The following VPS53 variants were observed in gnomAD, a reference collection of about 807,000 sequenced individuals.
VPS53 encodes the protein vacuolar protein sorting-associated protein 53 homolog.
VPS53 carries 70 observed loss-of-function variants against 107.0 expected under a neutral mutation model. The ratio of observed to expected loss-of-function variants is 0.65; its 90% CI spans 0.54 to 0.80. The LOEUF (loss-of-function observed/expected upper bound fraction) is 0.80, where lower values mean the gene tolerates loss of function less well. VPS53 is among the 30% of genes least tolerant of loss of function. The probability of loss-of-function intolerance (pLI) is 0.00; values close to 1 mark genes in which losing one functional copy is unlikely to be tolerated. For missense variants in VPS53, 917 were observed against 1,049.4 expected (o/e 0.87, Z 1.74); for synonymous variants, 409 against 393.3 (o/e 1.04, Z -0.47).
intron 10 of VPS53, among the ~76,000 whole-genome samples, chr17:626,066 C>T (rs993291804): frequency 1.3e-5 from 2 of 152,052 alleles, no homozygotes; most frequent in Non-Finnish European, 2.9e-5. Flanking sequence ...AAAAATTAGC[C>T]GGTGTGGTGG....
chr17:618,919 T>C (rs963791566), intron 11 of VPS53, among the ~76,000 whole-genome samples: 10 of 146,300 alleles, frequency 6.8e-5, no homozygotes, highest in African/African-American at 2.3e-4. Context: ...TCTGGGTAGC[T>C]GGGACTACAG....
At chr17:571,263 G>C (rs1299409699) in intron 13 of VPS53, among the ~76,000 whole-genome samples, 2 of 138,828 alleles carry the variant, frequency 1.4e-5, no homozygotes, top group Non-Finnish European at 3.1e-5. Context: ...GTGGGGAGGG[G>C]AGGGAGAAGA....
intron 11 of VPS53, among the ~76,000 whole-genome samples, chr17:609,912 G>A (rs1021684451): frequency 6.6e-6 from 1 of 151,978 alleles, no homozygotes; most frequent in Non-Finnish European, 1.5e-5. Context: ...GGCGGATCAC[G>A]AGGTCAGGAG....
At chr17:679,901 A>G (rs908290298) in intron 4 of VPS53, among the ~76,000 whole-genome samples, 8 of 152,288 alleles carry the variant, frequency 5.3e-5, no homozygotes, top group South Asian at 4.1e-4. Context: ...TAATCCCAGC[A>G]CTTTGGGAGG....
chr17:566,161 G>A (rs1175460312), intron 13 of VPS53, among the ~76,000 whole-genome samples: 1 of 138,364 alleles, frequency 7.2e-6, no homozygotes, highest in Non-Finnish European at 1.5e-5. Context: ...CCGAGATCCC[G>A]CCACTGCACT....
chr17:604,410 C>T (rs911428593), intron 11 of VPS53, among the ~76,000 whole-genome samples: 13 of 152,214 alleles, frequency 8.5e-5, no homozygotes, highest in African/African-American at 2.6e-4. Context: ...AACCTACTCT[C>T]GCCGGTGTAA....
chr17:711,329 T>TA (rs1386183840), intron 1 of VPS53, among the ~76,000 whole-genome samples: 1 of 152,206 alleles, frequency 6.6e-6, no homozygotes, highest in Admixed American at 6.5e-5. Context: ...CCCAGCTTGA[T>TA]AGAGTTACAA....
intron 11 of VPS53, among the ~76,000 whole-genome samples, 188 bp downstream of exon 11, chr17:623,345 C>A (rs749052939): frequency 1.3e-5 from 2 of 152,116 alleles, no homozygotes; most frequent in African/African-American, 2.4e-5. Flanking sequence ...TGATGTACTG[C>A]GTAAGAGACA....
At chr17:612,055 A>G (rs1968905370) in intron 11 of VPS53, among the ~76,000 whole-genome samples, 1 of 152,154 alleles carries the variant, frequency 6.6e-6, no homozygotes, top group African/African-American at 2.4e-5. Context: ...GAGTTCACAC[A>G]GTGAAAACCT....
intron 11 of VPS53, among the ~76,000 whole-genome samples, chr17:620,079 T>TTGAAC (rs1489880930): frequency 2.6e-5 from 4 of 152,240 alleles, no homozygotes; most frequent in South Asian, 2.1e-4. Flanking sequence ...GAAATCAATA[T>TTGAAC]TGAACATTAG....
chr17:590,720 G>A (rs1967600180), intron 12 of VPS53, among the ~76,000 whole-genome samples: 1 of 147,806 alleles, frequency 6.8e-6, no homozygotes, highest in African/African-American at 2.5e-5. Context: ...GCATCCCAGG[G>A]ATGAAGCCCA....
intron 15 of VPS53, among the ~76,000 whole-genome samples, chr17:556,293 C>G (rs1268750772): frequency 6.6e-6 from 1 of 152,064 alleles, no homozygotes; most frequent in Non-Finnish European, 1.5e-5. Context: ...CAAAAAGAAT[C>G]TGAGCAACAA....
Position 621,678 on chromosome 17 carries a change from C to G in VPS53, c.1116+1855G>C, listed in dbSNP as rs535227254. On this transcript the variant is annotated intron_variant, in intron 11 of 21. Coordinates refer to ENST00000437048, the MANE Select transcript of VPS53 (RefSeq NM_001128159.3). ...TTTCTTCAGTCAATCGTCTGTCTGA[C>G]TCTGTACTCATTTTTCTAACGGGTT... Among the ~76,000 whole-genome samples, 278 of 152,090 alleles carry G rather than the reference C, an allele frequency of 1.8e-3. 3 individuals are homozygous for G. In the Middle Eastern group the frequency reaches 0.027, roughly 15 times the overall value.
chr17:693,572 T>A (rs1474454969), intron 4 of VPS53, among the ~76,000 whole-genome samples: 1 of 151,966 alleles, frequency 6.6e-6, no homozygotes, highest in Admixed American at 6.6e-5. Context: ...AAATAAAAAA[T>A]TAAAAATTAA....
At chr17:634,183 G>A (rs1482001448) in intron 7 of VPS53, among the ~76,000 whole-genome samples, 3 of 151,142 alleles carry the variant, frequency 2.0e-5, no homozygotes, top group Non-Finnish European at 4.4e-5. Flanking sequence ...GAACTGAGGT[G>A]GCAGAAAGGA....
chr17:588,266 C>T (rs1271588882), intron 12 of VPS53, among the ~76,000 whole-genome samples: 6 of 152,006 alleles, frequency 3.9e-5, no homozygotes, highest in Non-Finnish European at 5.9e-5. Flanking sequence ...GGCAGTGAGC[C>T]GAGATTGCAC....
chr17:679,350 C>A (rs1231844983), intron 4 of VPS53, among the ~76,000 whole-genome samples: 2 of 152,024 alleles, frequency 1.3e-5, no homozygotes, highest in Non-Finnish European at 2.9e-5. Context: ...CCCATCTCTA[C>A]TAAAAATACA....
intron 17 of VPS53, among the ~76,000 whole-genome samples, chr17:539,702 C>T (rs1003784764): frequency 6.6e-6 from 1 of 152,170 alleles, no homozygotes; most frequent in Non-Finnish European, 1.5e-5. Flanking sequence ...CATCATCCCC[C>T]ATGGGTGACT....
At chr17:572,567 G>A (rs536633658) in intron 13 of VPS53, among the ~76,000 whole-genome samples, 1 of 152,086 alleles carries the variant, frequency 6.6e-6, no homozygotes, top group Admixed American at 6.5e-5. Flanking sequence ...GATGACAATG[G>A]CGGTTTTGTG....
Sources: allele counts gnomAD v4.1 joint callset (sites outside exome capture counted in the v4.1 genomes callset), GRCh38; gene constraint gnomAD v4.1.1; transcripts MANE v1.5; gene names NCBI Gene and HGNC (gene_info 2026-07-23, HGNC 2026-07-21).